CREB5: variants seen among roughly 807,000 people sequenced by gnomAD.
CREB5 encodes cAMP responsive element binding protein 5.
A neutral mutation model predicts 57.1 loss-of-function variants in CREB5; 19 were observed. The observed-to-expected ratio is 0.33, with a 90% confidence interval of 0.23 to 0.49. The LOEUF is 0.49. CREB5 is among the 20% of genes least tolerant of loss of function. CREB5 has a pLI of 0.99. For missense variants in CREB5, 579 were observed against 671.6 expected, an observed-to-expected ratio of 0.86 and a Z score of 1.52; for synonymous variants, 238 against 238.3, an observed-to-expected ratio of 1.00 and a Z score of 0.01.
chr7:28,798,166 C>T (rs1583769574), intron 7 of CREB5, among the ~76,000 whole-genome samples: 2 of 152,230 alleles, frequency 1.3e-5, no homozygotes, highest in Middle Eastern at 3.4e-3. Flanking sequence ...ATAATTAAAA[C>T]CTTTCTGGAA....
At chr7:28,377,872 C>CA (rs1435748747) in intron 1 of CREB5, among the ~76,000 whole-genome samples, 1 of 129,042 alleles carries the variant, frequency 7.7e-6, no homozygotes, top group Non-Finnish European at 1.5e-5. Flanking sequence ...GCGGAGCTTG[C>CA]AGTGAGCCAA....
chr7:28,529,301 C>T (rs1793615879), intron 4 of CREB5, among the ~76,000 whole-genome samples: 4 of 151,990 alleles, frequency 2.6e-5, no homozygotes, highest in African/African-American at 9.7e-5. Context: ...GCCAAAGCCC[C>T]GAAGGAGGTG....
At chr7:28,590,616 A>T (rs984194935) in intron 5 of CREB5, among the ~76,000 whole-genome samples, 1 of 151,540 alleles carries the variant, frequency 6.6e-6, no homozygotes, top group Non-Finnish European at 1.5e-5. Flanking sequence ...AACATGCCAC[A>T]TGTATACATG....
rs1050252609 is a variant in CREB5 at position 28,821,449 on chromosome 7, T to C, written c.*2170T>C. On this transcript the variant is annotated 3_prime_UTR_variant, in exon 11 of 11. Coordinates refer to ENST00000357727, the MANE Select transcript of CREB5 (RefSeq NM_182898.4). ...ATGACTTGGATATATGGTTGAAGAATCAAAACAAAAGCAAAAAAAAAAAGC... is the reference window on the plus strand; with the variant it reads ...ATGACTTGGATATATGGTTGAAGAACCAAAACAAAAGCAAAAAAAAAAAGC... The C allele has an allele frequency of 9.4e-6, 1 of 106,942 alleles. No individual in the cohort carries two copies. Among genetic ancestry groups the C allele is most frequent in the Non-Finnish European group, 2.0e-5 (1 of 49,566 alleles). The allele number at this position is 106,942 out of a possible 1,614,324, so 6.6% of individuals were successfully genotyped here.
chr7:28,365,549 C>T (rs1292945857), intron 1 of CREB5, among the ~76,000 whole-genome samples: 1 of 152,124 alleles, frequency 6.6e-6, no homozygotes, highest in East Asian at 1.9e-4. Flanking sequence ...CCTCTGGCTC[C>T]CACCCCCTTT....
At chr7:28,722,313 T>C (rs543524152) in intron 6 of CREB5, among the ~76,000 whole-genome samples, 5 of 152,198 alleles carry the variant, frequency 3.3e-5, no homozygotes, top group African/African-American at 1.2e-4. Context: ...GATCCTTCTT[T>C]GGCAACCTGG....
intron 1 of CREB5, among the ~76,000 whole-genome samples, chr7:28,320,663 A>G (rs1485283934): frequency 6.6e-6 from 1 of 152,230 alleles, no homozygotes; most frequent in African/African-American, 2.4e-5. Flanking sequence ...TGGTGGGTGA[A>G]TAAATTAGGC....
chr7:28,658,985 A>ATATATATATATATATATGTGTGTGTG (rs1799479877), intron 5 of CREB5, among the ~76,000 whole-genome samples: 1 of 142,504 alleles, frequency 7.0e-6, no homozygotes, highest in African/African-American at 2.6e-5. Flanking sequence ...ATATATGTAT[A>ATATATATATATATATATGTGTGTGTG]TATAAGTCAT....
chr7:28,361,990 A>G (rs924566535), intron 1 of CREB5, among the ~76,000 whole-genome samples: 1 of 152,248 alleles, frequency 6.6e-6, no homozygotes, highest in Non-Finnish European at 1.5e-5. Context: ...ATCAATAAAC[A>G]TAAATTAGCA....
At chr7:28,783,199 A>G (rs1332039981) in intron 7 of CREB5, among the ~76,000 whole-genome samples, 1 of 152,176 alleles carries the variant, frequency 6.6e-6, no homozygotes, top group East Asian at 1.9e-4. Context: ...ACAGCCTCAA[A>G]AATCACATTT....
intron 1 of CREB5, among the ~76,000 whole-genome samples, chr7:28,461,029 C>T (rs1319906824): frequency 1.3e-5 from 2 of 151,410 alleles, no homozygotes; most frequent in Non-Finnish European, 2.9e-5. Flanking sequence ...ATCCCCTCTA[C>T]CAACAACACA....
chr7:28,402,060 C>T (rs923418733), intron 1 of CREB5, among the ~76,000 whole-genome samples: 2 of 152,214 alleles, frequency 1.3e-5, no homozygotes, highest in African/African-American at 4.8e-5. Context: ...TCTCCACATC[C>T]TCTCCAGCAC....
intron 4 of CREB5, among the ~76,000 whole-genome samples, chr7:28,532,370 C>T (rs759244278): frequency 2.0e-5 from 3 of 152,170 alleles, no homozygotes; most frequent in African/African-American, 7.2e-5. Flanking sequence ...ATAGAGAAAC[C>T]GTGAGATAAT....
At chr7:28,667,441 T>A (rs1272580091) in intron 5 of CREB5, among the ~76,000 whole-genome samples, 2 of 151,926 alleles carry the variant, frequency 1.3e-5, no homozygotes, top group Non-Finnish European at 2.9e-5. Context: ...TGTTAATATA[T>A]AAAAGAAACT....
chr7:28,369,807 C>T (rs1163367426), intron 1 of CREB5, among the ~76,000 whole-genome samples: 1 of 152,120 alleles, frequency 6.6e-6, no homozygotes, highest in African/African-American at 2.4e-5. Context: ...CTAATCTTCA[C>T]CAGACACCAC....
chr7:28,311,223 A>C (rs1351459857), intron 1 of CREB5, among the ~76,000 whole-genome samples: 2 of 151,774 alleles, frequency 1.3e-5, no homozygotes, highest in African/African-American at 2.4e-5. Context: ...GCATTTAAGG[A>C]GGCAATATAA....
At chr7:28,442,160 C>T (rs950302120) in intron 1 of CREB5, among the ~76,000 whole-genome samples, 2 of 152,020 alleles carry the variant, frequency 1.3e-5, no homozygotes, top group Admixed American at 6.5e-5. Context: ...AATTTTTTTC[C>T]TTAGCTCCCA....
chr7:28,793,935 A>G (rs1247012124), intron 7 of CREB5, among the ~76,000 whole-genome samples: 2 of 152,078 alleles, frequency 1.3e-5, no homozygotes, highest in Admixed American at 6.5e-5. Context: ...CTTTTTGCCA[A>G]ATAATTAGGT....
At chr7:28,609,819 C>A (rs1454225909) in intron 5 of CREB5, among the ~76,000 whole-genome samples, 1 of 152,162 alleles carries the variant, frequency 6.6e-6, no homozygotes, top group Non-Finnish European at 1.5e-5. Flanking sequence ...GGCACAAGTG[C>A]CGTGGAGGAT....
Sources: allele counts gnomAD v4.1 joint callset (sites outside exome capture counted in the v4.1 genomes callset), GRCh38; gene constraint gnomAD v4.1.1; transcripts MANE v1.5; gene names NCBI Gene and HGNC (gene_info 2026-07-23, HGNC 2026-07-21).